DNAJC1: variants seen among roughly 807,000 people sequenced by gnomAD.
DNAJC1 encodes DnaJ heat shock protein family (Hsp40) member C1, also known as dnaJ homolog subfamily C member 1.
DNAJC1 carries 58 observed loss-of-function variants against 76.6 expected under a neutral mutation model. The ratio of observed to expected loss-of-function variants is 0.76; its 90% CI spans 0.61 to 0.94. DNAJC1 has a LOEUF of 0.94. Among genes scored for constraint, DNAJC1 ranks in the 40% least tolerant of loss-of-function variants. DNAJC1 has a pLI of 0.00. For synonymous variants in DNAJC1, 258 were observed against 267.9 expected (o/e 0.96, Z 0.36); for missense variants, 689 against 677.3 (o/e 1.02, Z -0.19).
chr10:21,769,113 C>CATTCT (rs774835553), intron 9 of DNAJC1, among the ~76,000 whole-genome samples: 1 of 152,178 alleles, frequency 6.6e-6, no homozygotes, highest in Non-Finnish European at 1.5e-5. Context: ...TGTTCCTCAA[C>CATTCT]ATTCTACCCT....
intron 8 of DNAJC1, among the ~76,000 whole-genome samples, chr10:21,876,298 G>A (rs946508398): frequency 6.6e-6 from 1 of 151,872 alleles, no homozygotes; most frequent in Non-Finnish European, 1.5e-5. Flanking sequence ...TTTTGGTGGA[G>A]GTGGGGTTTC....
rs1834213347 is a variant in DNAJC1 at position 21,759,341 on chromosome 10, T to C, written c.1425A>G (p.Glu475=). The C allele has an allele frequency of 6.2e-7, 1 of 1,614,232 alleles. No homozygotes were observed. Among genetic ancestry groups the C allele is most frequent in the Non-Finnish European group, 8.5e-7 (1 of 1,180,048 alleles). Residue 475 remains glutamate (E), a synonymous_variant, in exon 11 of 12, where the codon GAA becomes GAG. Coordinates refer to ENST00000376980, the MANE Select transcript of DNAJC1 (RefSeq NM_022365.4). ...AKRQKDFDIA[E]QNESSDEESL... is the part of the protein sequence containing the mutation. Reference sequence around the variant, plus strand: ...TCTCCTCGTCGCTGGACTCGTTTTGTTCTGCTATGTCAAAGTCCTTCTGCC... The same window carrying C: ...TCTCCTCGTCGCTGGACTCGTTTTGCTCTGCTATGTCAAAGTCCTTCTGCC...
In DNAJC1 at chr10:21,904,535, A is replaced by G. The variant is rs1480480515; in HGVS notation, c.807T>C (p.Leu269=). 6.3e-7 allele frequency: 1 copy of G among 1,578,520 alleles called. No homozygotes were observed. The highest frequency in any genetic ancestry group is 8.6e-7 in the Non-Finnish European group (1 of 1,164,152). ...TTTAAAACTCACTTTGAAGTGTTTC[A>G]AGTTCAGTTCTAGTCAGTGCATCTT... ...EKEDALTRTE[L]ETLQKQKKVK... Residue 269 remains leucine (L), a synonymous_variant, in exon 7 of 12, where the codon CTT becomes CTC. Coordinates refer to ENST00000376980, the MANE Select transcript of DNAJC1 (RefSeq NM_022365.4).
chr10:21,794,609 T>A (rs1834732416), intron 9 of DNAJC1, among the ~76,000 whole-genome samples: 1 of 152,082 alleles, frequency 6.6e-6, no homozygotes, highest in Non-Finnish European at 1.5e-5. Flanking sequence ...TCTAAAACTA[T>A]AAAACTTCTA....
At chr10:21,899,710 G>A (rs1836614047) in intron 7 of DNAJC1, among the ~76,000 whole-genome samples, 1 of 152,226 alleles carries the variant, frequency 6.6e-6, no homozygotes. Context: ...GGACGGGAAT[G>A]GGATCAGGGA....
In DNAJC1 at chr10:22,003,623, C is replaced by CG; in HGVS notation, c.-190dup. The CG allele has an allele frequency of 2.0e-6, 1 of 489,442 alleles. No individual in the cohort carries two copies. Among genetic ancestry groups the CG allele is most frequent in the Non-Finnish European group, 3.1e-6 (1 of 321,944 alleles). The allele number at this position is 489,442 out of a possible 1,614,324, so 30.3% of individuals were successfully genotyped here. ...CGGCGGGAGCCGGCTGCCGGACGGG[C>CG]GGGTGGGTAGGCGGGCGGGGCCGCA... On this transcript the variant is annotated 5_prime_UTR_variant, in exon 1 of 12. Transcript: ENST00000376980.
At chr10:21,953,000 G>C (rs1227325464) in intron 1 of DNAJC1, among the ~76,000 whole-genome samples, 3 of 152,034 alleles carry the variant, frequency 2.0e-5, no homozygotes, top group Non-Finnish European at 4.4e-5. Flanking sequence ...AGTGCACTAA[G>C]AACATTAACA....
intron 8 of DNAJC1, among the ~76,000 whole-genome samples, chr10:21,854,949 G>A (rs1433347534): frequency 1.3e-5 from 2 of 152,020 alleles, no homozygotes; most frequent in African/African-American, 4.8e-5. Flanking sequence ...TACAGTCTTC[G>A]ATATTACGAA....
At position 21,860,168 on chromosome 10, in the gene DNAJC1, A is replaced by G. The variant is rs530889497; in HGVS notation, c.978+22114T>C. On this transcript the variant is annotated intron_variant, in intron 8 of 11. Coordinates refer to ENST00000376980, the MANE Select transcript of DNAJC1 (RefSeq NM_022365.4). Reference sequence around the variant, plus strand: ...TTTGGTTTATACTAATGAAAAGGAGAAAAAAAAAAAAAAACCTTAAGCAAA... The same window carrying G: ...TTTGGTTTATACTAATGAAAAGGAGGAAAAAAAAAAAAAACCTTAAGCAAA... Among the ~76,000 whole-genome samples the G allele has an allele frequency of 3.0e-4, 42 of 141,410 alleles. 1 individual carries two copies. The highest frequency in any genetic ancestry group is 1.0e-3 in the African/African-American group (39 of 38,816). The allele number at this position is 141,410 out of a possible 152,430, so 92.8% of individuals were successfully genotyped here.
chr10:21,922,823 A>G (rs34880235), intron 3 of DNAJC1, among the ~76,000 whole-genome samples: 3,004 of 152,056 alleles, frequency 0.02, 60 homozygotes, highest in Non-Finnish European at 0.024. Context: ...AGAAATCATC[A>G]TTTTCAGCAA....
intron 8 of DNAJC1, among the ~76,000 whole-genome samples, chr10:21,815,650 G>C (rs928324202): frequency 2.0e-5 from 3 of 152,044 alleles, no homozygotes; most frequent in African/African-American, 7.2e-5. Context: ...TTTTCATAAA[G>C]TTCAATGTAT....
At chr10:21,942,178 A>G (rs1469174525) in intron 1 of DNAJC1, among the ~76,000 whole-genome samples, 1 of 152,210 alleles carries the variant, frequency 6.6e-6, no homozygotes, top group Non-Finnish European at 1.5e-5. Flanking sequence ...AAGAAAAGCA[A>G]TAGTGTTGAT....
chr10:21,985,124 T>C (rs138423910), intron 1 of DNAJC1, among the ~76,000 whole-genome samples: 15 of 152,288 alleles, frequency 9.8e-5, no homozygotes, highest in Admixed American at 8.5e-4. Context: ...TAATTCATTT[T>C]AATAAATTTA....
intron 1 of DNAJC1, among the ~76,000 whole-genome samples, chr10:21,988,105 T>C (rs995306301): frequency 6.6e-6 from 1 of 152,130 alleles, no homozygotes; most frequent in African/African-American, 2.4e-5. Flanking sequence ...CTTTACTATT[T>C]TACAGTAATA....
At chr10:21,930,311 T>C (rs538325593) in intron 1 of DNAJC1, among the ~76,000 whole-genome samples, 2 of 152,200 alleles carry the variant, frequency 1.3e-5, no homozygotes, top group Non-Finnish European at 2.9e-5. Flanking sequence ...ACTTAAAGTG[T>C]ATTAAAATAA....
intron 8 of DNAJC1, among the ~76,000 whole-genome samples, chr10:21,826,606 T>C (rs113733162): frequency 6.6e-6 from 1 of 152,248 alleles, no homozygotes; most frequent in African/African-American, 2.4e-5. Flanking sequence ...TTTCCTTCTA[T>C]GTTTTCTTCT....
At chr10:21,998,116 C>T (rs1014673018) in intron 1 of DNAJC1, among the ~76,000 whole-genome samples, 1 of 151,874 alleles carries the variant, frequency 6.6e-6, no homozygotes, top group Non-Finnish European at 1.5e-5. Flanking sequence ...AGAGGCTGGG[C>T]GCAGTGGTTC....
chr10:21,959,785 C>CA lies in DNAJC1; in HGVS notation c.223-30645dup, dbSNP rs1192918880. On this transcript the variant is annotated intron_variant, in intron 1 of 11. Transcript: ENST00000376980. ...TAGGCGACAGAGGGAGACTCCATCTCAAAAAAAACAAAAACAAAAAAAAAA... is the reference window on the plus strand; with the variant it reads ...TAGGCGACAGAGGGAGACTCCATCTCAAAAAAAAACAAAAACAAAAAAAAAA... Among the ~76,000 whole-genome samples the CA allele has an allele frequency of 6.7e-3, 447 of 66,316 alleles. 4 individuals carry two copies. Among genetic ancestry groups the CA allele is most frequent in the African/African-American group, 0.029 (412 of 14,094 alleles). The allele number at this position is 66,316 out of a possible 152,430, so 43.5% of individuals were successfully genotyped here. A position where few individuals can be genotyped will look rare whatever the true frequency, so the allele number is the denominator to read the frequency against.
chr10:21,816,345 G>T (rs1239939234), intron 8 of DNAJC1, among the ~76,000 whole-genome samples: 3 of 151,892 alleles, frequency 2.0e-5, no homozygotes, highest in Non-Finnish European at 4.4e-5. Flanking sequence ...GGCCGACAGA[G>T]CAAGACTTCT....
Sources: gnomAD v4.1 joint callset for allele counts (sites outside exome capture counted in the v4.1 genomes callset) on GRCh38, gnomAD v4.1.1 for gene constraint, MANE v1.5 for transcripts, NCBI Gene and HGNC (gene_info 2026-07-23, HGNC 2026-07-21) for gene names.